KIRREL2: variants seen among roughly 807,000 people sequenced by gnomAD.
KIRREL2 encodes the protein kin of IRRE-like protein 2.
In KIRREL2, 56 loss-of-function variants were observed where a neutral mutation model predicts 73.4. The observed-to-expected ratio is 0.76, with a 90% CI of 0.62 to 0.95. The LOEUF (loss-of-function observed/expected upper bound fraction) is 0.95, where lower values mean the gene tolerates loss of function less well. Ranked by LOEUF, KIRREL2 falls within the 40% of genes least tolerant of loss-of-function variation. KIRREL2 has a pLI of 0.00. For missense variants in KIRREL2, 896 were observed against 935.0 expected, an observed-to-expected ratio of 0.96 and a Z score of 0.54; for synonymous variants, 407 against 404.0, an observed-to-expected ratio of 1.01 and a Z score of -0.09.
intron 9 of KIRREL2, 106 bp downstream of exon 9, chr19:35,861,360 C>A: frequency 6.7e-7 from 1 of 1,496,596 alleles, no homozygotes; most frequent in Non-Finnish European, 8.9e-7. Flanking sequence ...GAGCTTTACA[C>A]CCAGCGGGGG....
intron 13 of KIRREL2, among the ~76,000 whole-genome samples, chr19:35,864,125 A>C (rs142613655): frequency 6.6e-6 from 1 of 151,926 alleles, no homozygotes; most frequent in Non-Finnish European, 1.5e-5. Context: ...ACCCAAGTCC[A>C]TGCCCCTGAC....
Position 35,862,968 on chromosome 19 carries a change from C to A in KIRREL2, c.1657C>A (p.Pro553Thr). The change falls in exon 13 of 15, where the codon CCT becomes ACT. Residue 553 changes from proline (P) to threonine (T), a missense_variant. Physicochemically the swap from Pro to Thr is conservative, Grantham distance 38. Coordinates refer to ENST00000360202, the MANE Select transcript of KIRREL2 (RefSeq NM_199180.4). ...FSEQKNLMRIPGSSDGSSSRG... is the reference protein window; with the variant it reads ...FSEQKNLMRITGSSDGSSSRG... Reference sequence around the variant, plus strand: ...CGAGCAAAAGAACCTGATGCGAATCCCTGGCAGCAGCGACGGCTCCAGTTC... The same window carrying A: ...CGAGCAAAAGAACCTGATGCGAATCACTGGCAGCAGCGACGGCTCCAGTTC... The A allele has an allele frequency of 6.3e-7, 1 of 1,591,718 alleles. No individual in the cohort carries two copies. Among genetic ancestry groups the A allele is most frequent in the Non-Finnish European group, 8.6e-7 (1 of 1,169,382 alleles).
intron 14 of KIRREL2, among the ~76,000 whole-genome samples, chr19:35,865,080 G>C (rs1283361568): frequency 6.6e-6 from 1 of 151,604 alleles, no homozygotes; most frequent in Non-Finnish European, 1.5e-5. Flanking sequence ...TCCTACCTCA[G>C]GACAGCCACA....
At chr19:35,851,863 A>C (rs1158030782), upstream of KIRREL2, 1 of 1,548,390 alleles carries the variant, frequency 6.5e-7, no homozygotes, top group Non-Finnish European at 8.7e-7. Context: ...TGTGACCCCC[A>C]CAGCGCCCGC....
intron 11 of KIRREL2, 108 bp from the exon 12 acceptor site, chr19:35,862,385 C>T (rs1973732464): frequency 1.2e-6 from 1 of 843,648 alleles, no homozygotes; most frequent in Admixed American, 1.9e-5. Context: ...GCCTTTGAAT[C>T]TTCAAATGTG....
upstream of KIRREL2, among the ~76,000 whole-genome samples, chr19:35,853,720 G>A (rs1364145100): frequency 1.3e-5 from 2 of 151,826 alleles, no homozygotes; most frequent in Non-Finnish European, 2.9e-5. Flanking sequence ...TGCCCAGGCT[G>A]GAGTGCAGTG....
chr19:35,861,201 C>A lies in KIRREL2; in HGVS notation c.1136C>A (p.Ala379Asp). 1.3e-6 allele frequency: 2 copies of A among 1,553,576 alleles called. No individual in the cohort carries two copies. The highest frequency in any genetic ancestry group is 2.4e-5 in the South Asian group (2 of 83,434). ...DAGDYVCRAEAGLSGLRGGAA... is the reference protein window; with the variant it reads ...DAGDYVCRAEDGLSGLRGGAA... ...GGCGACTATGTGTGCAGAGCTGAGG[C>A]TGGGCTATCGGGCCTGCGGGGCGGC... is the stretch of plus-strand genomic sequence containing the variant. Residue 379 changes from alanine to aspartate, a missense_variant, in exon 9 of 15, where the codon GCT becomes GAT. By Grantham distance (126) the Ala-to-Asp change is moderately radical (BLOSUM62 -2). Transcript: ENST00000360202.
In KIRREL2 at chr19:35,857,410, C is replaced by G. The variant is rs1354600273; in HGVS notation, c.127C>G (p.Leu43Val). The G allele has an allele frequency of 6.2e-7, 1 of 1,612,942 alleles. No individual in the cohort carries two copies. The highest frequency in any genetic ancestry group is 1.3e-5 in the African/African-American group (1 of 74,892). Residue 43 changes from leucine (L) to valine (V), a missense_variant, in exon 2 of 15, where the codon CTG becomes GTG. Transcript: ENST00000360202. ...LVVLLGEEAR[L>V]PCALGAYWGL... ...GGTGCTGCTGGGGGAGGAAGCCCGG[C>G]TGCCGTGTGCTCTGGGCGCCTACTG...
upstream of KIRREL2, among the ~76,000 whole-genome samples, chr19:35,855,680 CACACACACACACACACACACACACACAT>C (rs1325757502): frequency 2.0e-5 from 3 of 146,674 alleles, no homozygotes; most frequent in Admixed American, 1.4e-4. Context: ...CACACACACA[CACACACACACACACACACACACACACAT>C]ACACACAGGA....
chr19:35,852,929 G>T (rs1337556406), upstream of KIRREL2, among the ~76,000 whole-genome samples: 1 of 152,022 alleles, frequency 6.6e-6, no homozygotes, highest in Non-Finnish European at 1.5e-5. Flanking sequence ...CAAGTAGCTG[G>T]TGCTACAGGT....
chr19:35,851,819 G>A, upstream of KIRREL2: 1 of 1,552,310 alleles, frequency 6.4e-7, no homozygotes, highest in Admixed American at 2.0e-5. Context: ...GAAGCCCTGA[G>A]CGTCGTCCCC....
chr19:35,851,421 G>T (rs770784558), upstream of KIRREL2: 1 of 1,612,650 alleles, frequency 6.2e-7, no homozygotes, highest in South Asian at 1.1e-5. Flanking sequence ...CGCAGCTTCC[G>T]CTGGTGGCTG....
chr19:35,862,755 C>CTAG, intron 12 of KIRREL2, among the ~76,000 whole-genome samples, 158 bp downstream of exon 12: 1 of 152,314 alleles, frequency 6.6e-6, no homozygotes, highest in East Asian at 1.9e-4. Context: ...CTCCTTAAGC[C>CTAG]CTAACTAGGC....
intron 12 of KIRREL2, 61 bp downstream of exon 12, chr19:35,862,658 C>T (rs1973759220): frequency 7.9e-7 from 1 of 1,269,568 alleles, no homozygotes; most frequent in Non-Finnish European, 1.1e-6. Flanking sequence ...CCCTGCCTGC[C>T]CAGTGACCTG....
intron 2 of KIRREL2, among the ~76,000 whole-genome samples, chr19:35,858,182 T>C (rs909386963): frequency 2.0e-5 from 3 of 152,136 alleles, no homozygotes; most frequent in Non-Finnish European, 2.9e-5. Flanking sequence ...CTAATTTTTA[T>C]GGCAATCATT....
Position 35,866,778 on chromosome 19 carries a change from G to A in KIRREL2, c.*286G>A, listed in dbSNP as rs1481081832. ...TGAGGAGAGATGGGGACAGGGCAGT[G>A]GGTGTTGGGAGTTTGGGGCCGGGAT... On this transcript the variant is annotated 3_prime_UTR_variant, in exon 15 of 15. Coordinates refer to ENST00000360202, the MANE Select transcript of KIRREL2 (RefSeq NM_199180.4). 3 of 539,154 alleles carry A rather than the reference G, an allele frequency of 5.6e-6. No homozygotes were observed. Among genetic ancestry groups the A allele is most frequent in the Non-Finnish European group, 9.7e-6 (3 of 310,242 alleles). The allele number at this position is 539,154 out of a possible 1,614,324, so 33.4% of individuals were successfully genotyped here.
chr19:35,862,757 TA>T (rs1368358075), intron 12 of KIRREL2, among the ~76,000 whole-genome samples, 160 bp downstream of exon 12: 2 of 152,192 alleles, frequency 1.3e-5, no homozygotes, highest in African/African-American at 4.8e-5. Flanking sequence ...CCTTAAGCCC[TA>T]ACTAGGCCTT....
In KIRREL2 at chr19:35,862,966, T is replaced by A; in HGVS notation, c.1655T>A (p.Ile552Asn). 6.3e-7 allele frequency: 1 copy of A among 1,590,704 alleles called. No homozygotes were observed. Among genetic ancestry groups the A allele is most frequent in the Non-Finnish European group, 8.6e-7 (1 of 1,168,794 alleles). Residue 552 changes from isoleucine (I) to asparagine (N), a missense_variant, in exon 13 of 15, where the codon ATC becomes AAC. Ile to Asn is a moderately radical substitution (Grantham distance 149, BLOSUM62 -3). Coordinates refer to ENST00000360202, the MANE Select transcript of KIRREL2 (RefSeq NM_199180.4). ...TCCGAGCAAAAGAACCTGATGCGAA[T>A]CCCTGGCAGCAGCGACGGCTCCAGT... is the stretch of plus-strand genomic sequence containing the variant. The part of the protein sequence containing the change: ...SFSEQKNLMR[I>N]PGSSDGSSSR...
At chr19:35,851,570 C>A (rs369112617), upstream of KIRREL2, 2 of 1,614,006 alleles carry the variant, frequency 1.2e-6, no homozygotes, top group South Asian at 2.2e-5. Context: ...GGTGCTGACC[C>A]CACAACGCAG....
Sources: allele counts gnomAD v4.1 joint callset (sites outside exome capture counted in the v4.1 genomes callset), GRCh38; gene constraint gnomAD v4.1.1; transcripts MANE v1.5; gene names NCBI Gene and HGNC (gene_info 2026-07-23, HGNC 2026-07-21).